WDR70: variants seen among roughly 807,000 people sequenced by gnomAD.
WDR70 encodes the protein WD repeat domain 70.
WDR70 carries 53 observed loss-of-function variants against 88.6 expected under a neutral mutation model. That is an observed-to-expected ratio of 0.60 (90% confidence interval 0.48 to 0.75). WDR70 has a LOEUF of 0.75. Ranked by LOEUF, WDR70 falls within the 30% of genes least tolerant of loss-of-function variation. WDR70 has a pLI of 0.00. For synonymous variants in WDR70, 280 were observed against 270.0 expected (o/e 1.04, Z -0.36); for missense variants, 610 against 823.2 (o/e 0.74, Z 3.17).
In WDR70 at chr5:37,521,736, A is replaced by C. The variant is rs900104387; in HGVS notation, c.917+5146A>C. ...CACACACACACACACACACACACAC[A>C]CACACCCACATGTTCTTTATCAACT... On this transcript the variant is annotated intron_variant, in intron 9 of 17. Coordinates refer to ENST00000265107, the MANE Select transcript of WDR70 (RefSeq NM_018034.4). 4.3e-5 allele frequency among the ~76,000 whole-genome samples: 6 copies of C among 139,220 alleles called. No individual in the cohort carries two copies. In the East Asian group the frequency reaches 9.4e-4, roughly 22 times the overall value. The allele number at this position is 139,220 out of a possible 152,430, so 91.3% of individuals were successfully genotyped here.
chr5:37,678,151 A>G (rs1457631252), intron 10 of WDR70, among the ~76,000 whole-genome samples: 1 of 152,104 alleles, frequency 6.6e-6, no homozygotes, highest in African/African-American at 2.4e-5. Context: ...GGTTTCCTGA[A>G]TACAGCACAC....
intron 5 of WDR70, among the ~76,000 whole-genome samples, chr5:37,430,517 A>AT (rs901745621): frequency 5.9e-5 from 9 of 152,030 alleles, no homozygotes; most frequent in African/African-American, 2.2e-4. Flanking sequence ...TGAAGTTTTT[A>AT]CTGTTGTAAT....
Position 37,584,083 on chromosome 5 carries a change from C to T in WDR70, c.918-20981C>T, listed in dbSNP as rs150699817. On this transcript the variant is annotated intron_variant, in intron 9 of 17. Coordinates refer to ENST00000265107, the MANE Select transcript of WDR70 (RefSeq NM_018034.4). Reference sequence around the variant, plus strand: ...ATTATTTCACTTAACTGAATGTTTACGTTAATTATTACTTAATCCTTTTAT... The same window carrying T: ...ATTATTTCACTTAACTGAATGTTTATGTTAATTATTACTTAATCCTTTTAT... Among the ~76,000 whole-genome samples, 491 of 152,148 alleles carry T rather than the reference C, an allele frequency of 3.2e-3. 2 individuals carry two copies. Among genetic ancestry groups the T allele is most frequent in the African/African-American group, 0.011 (447 of 41,516 alleles).
At chr5:37,564,832 CTTTT>C (rs1224596403) in intron 9 of WDR70, among the ~76,000 whole-genome samples, 1 of 151,978 alleles carries the variant, frequency 6.6e-6, no homozygotes, top group Non-Finnish European at 1.5e-5. Context: ...CACTTACAGC[CTTTT>C]TTTAAGAAAC....
intron 6 of WDR70, among the ~76,000 whole-genome samples, chr5:37,438,869 A>G (rs551515057): frequency 1.3e-5 from 2 of 151,504 alleles, no homozygotes; most frequent in African/African-American, 4.8e-5. Context: ...AGTGATACAT[A>G]TAACTCACAT....
chr5:37,440,518 T>A (rs1171798806), intron 6 of WDR70, among the ~76,000 whole-genome samples: 1 of 152,204 alleles, frequency 6.6e-6, no homozygotes, highest in African/African-American at 2.4e-5. Flanking sequence ...GTAATTTTTG[T>A]ATTTTTAGTA....
intron 13 of WDR70, among the ~76,000 whole-genome samples, chr5:37,707,177 A>G (rs1747353218): frequency 6.6e-6 from 1 of 152,208 alleles, no homozygotes; most frequent in African/African-American, 2.4e-5. Flanking sequence ...TTTAACTAGT[A>G]TGAACCAAGG....
At chr5:37,487,611 ATATATAT>A (rs1357769541) in intron 8 of WDR70, among the ~76,000 whole-genome samples, 1 of 42,658 alleles carries the variant, frequency 2.3e-5, no homozygotes, top group African/African-American at 4.8e-5. Flanking sequence ...ATATATATAT[ATATATAT>A]ATATATGTAT....
intron 10 of WDR70, among the ~76,000 whole-genome samples, chr5:37,610,135 A>G (rs962899978): frequency 6.6e-6 from 1 of 152,068 alleles, no homozygotes; most frequent in Non-Finnish European, 1.5e-5. Flanking sequence ...GCGTGGTGGC[A>G]GGCACCTGTA....
intron 17 of WDR70, among the ~76,000 whole-genome samples, chr5:37,739,768 A>G (rs553696592): frequency 1.3e-5 from 2 of 152,074 alleles, no homozygotes; most frequent in African/African-American, 2.4e-5. Context: ...TACAATAGGT[A>G]TTTCTCCTAA....
intron 10 of WDR70, among the ~76,000 whole-genome samples, chr5:37,688,275 T>C (rs899717251): frequency 1.3e-5 from 2 of 152,170 alleles, no homozygotes; most frequent in African/African-American, 4.8e-5. Context: ...AGCTAAGTAA[T>C]TTGTCCCAGG....
chr5:37,610,064 G>A (rs1362087462), intron 10 of WDR70, among the ~76,000 whole-genome samples: 2 of 152,082 alleles, frequency 1.3e-5, no homozygotes, highest in Non-Finnish European at 2.9e-5. Context: ...ACCAAGGTGG[G>A]CAGATTACAA....
intron 9 of WDR70, among the ~76,000 whole-genome samples, chr5:37,519,093 C>T (rs971740808): frequency 1.7e-4 from 26 of 152,316 alleles, no homozygotes; most frequent in African/African-American, 6.3e-4. Flanking sequence ...CTTCTTTCTA[C>T]ATAGACACAG....
At chr5:37,687,703 A>G (rs1057061826) in intron 10 of WDR70, among the ~76,000 whole-genome samples, 10 of 151,986 alleles carry the variant, frequency 6.6e-5, no homozygotes, top group African/African-American at 2.2e-4. Context: ...TCCGTTCATT[A>G]TATTGTATCT....
intron 8 of WDR70, among the ~76,000 whole-genome samples, chr5:37,483,080 A>G (rs1581323514): frequency 6.6e-6 from 1 of 151,338 alleles, no homozygotes; most frequent in East Asian, 2.0e-4. Context: ...AAAAAAAAAA[A>G]AAGGAAAGAA....
At chr5:37,520,589 T>C (rs1429787598) in intron 9 of WDR70, among the ~76,000 whole-genome samples, 1 of 152,128 alleles carries the variant, frequency 6.6e-6, no homozygotes, top group South Asian at 2.1e-4. Flanking sequence ...TAATATAGCA[T>C]GACTAGGTAA....
chr5:37,497,871 G>C (rs1261020131), intron 8 of WDR70, among the ~76,000 whole-genome samples: 1 of 152,036 alleles, frequency 6.6e-6, no homozygotes, highest in African/African-American at 2.4e-5. Flanking sequence ...ACCCAGGCTA[G>C]AGTGCAGTGG....
At chr5:37,616,920 A>C (rs543184364) in intron 10 of WDR70, among the ~76,000 whole-genome samples, 1 of 152,290 alleles carries the variant, frequency 6.6e-6, no homozygotes, top group Admixed American at 6.5e-5. Context: ...ACTATCAAAT[A>C]ATTGTGTTTT....
intron 8 of WDR70, among the ~76,000 whole-genome samples, chr5:37,504,957 A>G (rs995619894): frequency 3.3e-5 from 5 of 152,212 alleles, no homozygotes; most frequent in Non-Finnish European, 7.3e-5. Context: ...TGACTCAAGA[A>G]AATTGGGCTG....
Sources: allele counts gnomAD v4.1 joint callset (sites outside exome capture counted in the v4.1 genomes callset), GRCh38; gene constraint gnomAD v4.1.1; transcripts MANE v1.5; gene names NCBI Gene and HGNC (gene_info 2026-07-23, HGNC 2026-07-21).